The following TALDO1 variants were observed in gnomAD, a reference collection of about 807,000 sequenced individuals.
The protein encoded by TALDO1 is transaldolase.
In TALDO1, 29 loss-of-function variants were observed where a neutral mutation model predicts 38.1. That is an observed-to-expected ratio of 0.76 (90% CI 0.57 to 1.04). The LOEUF is 1.04. TALDO1 is among the 50% of genes least tolerant of loss of function. The pLI is 0.00. For synonymous variants in TALDO1, 207 were observed against 176.8 expected, an observed-to-expected ratio of 1.17 and a Z score of -1.36; for missense variants, 499 against 438.1, an observed-to-expected ratio of 1.14 and a Z score of -1.24.
Position 760,143 on chromosome 11 carries a change from G to A in TALDO1, c.351G>A (p.Ala117=), listed in dbSNP as rs139519848. 9 of 1,614,050 alleles carry A rather than the reference G, an allele frequency of 5.6e-6. No individual in the cohort carries two copies. Among genetic ancestry groups the A allele is most frequent in the East Asian group, 2.2e-5 (1 of 44,902 alleles). ...VDARLSFDKD[A]MVARARRLIE... ...ACAGGCTCTCCTTTGATAAAGATGC[G>A]ATGGTGGCCAGAGCCAGGCGGCTCA... Residue 117 remains alanine, a synonymous_variant, in exon 4 of 8, where the codon GCG becomes GCA. Transcript: ENST00000319006.
chr11:757,213 A>G (rs932657554), intron 2 of TALDO1, among the ~76,000 whole-genome samples: 1 of 150,498 alleles, frequency 6.6e-6, no homozygotes, highest in African/African-American at 2.5e-5. Flanking sequence ...TGCTCCTGTT[A>G]TTGGGTGACA....
chr11:763,220 C>CCCCGCCCTCACCCG (rs1862974781), intron 4 of TALDO1, 124 bp from the exon 5 acceptor site: 1 of 99,862 alleles, frequency 1.0e-5, no homozygotes, highest in African/African-American at 5.0e-5. Flanking sequence ...CCCTCACCTG[C>CCCCGCCCTCACCCG]CCCCGCCCTC....
chr11:763,299 T>TCCCCGCCCTCACCTGC lies in TALDO1; in HGVS notation c.462-41_462-26dup, dbSNP rs1564994166. ...CCTCACCCGCCCCCGCCCTCACCTGTCCCCGCCCTCACCTGCCCCGCCCTC... is the reference window on the plus strand; with the variant it reads ...CCTCACCCGCCCCCGCCCTCACCTGTCCCCGCCCTCACCTGCCCCCGCCCTCACCTGCCCCGCCCTC... On this transcript the variant is annotated intron_variant, in intron 4 of 7. Transcript: ENST00000319006. The TCCCCGCCCTCACCTGC allele has an allele frequency of 1.6e-5, 10 of 644,080 alleles. 1 individual carries two copies. In the African/African-American group the frequency reaches 4.4e-4, roughly 28 times the overall value. The allele number at this position is 644,080 out of a possible 1,614,324, so 39.9% of individuals were successfully genotyped here.
intron 6 of TALDO1, 34 bp from the exon 7 acceptor site, chr11:764,254 G>C (rs760031027): frequency 2.5e-6 from 4 of 1,613,848 alleles, no homozygotes; most frequent in African/African-American, 1.3e-5. Context: ...CAGGGACATG[G>C]AGCAGGCATG....
intron 3 of TALDO1, among the ~76,000 whole-genome samples, chr11:759,428 T>G (rs1862894863): frequency 6.6e-6 from 1 of 150,820 alleles, no homozygotes; most frequent in Non-Finnish European, 1.5e-5. Flanking sequence ...GCCCAGCTAA[T>G]TTGTTGTATT....
chr11:758,939 T>C lies in TALDO1; in HGVS notation c.222-11T>C. 1.2e-6 allele frequency: 2 copies of C among 1,606,802 alleles called. No homozygotes were observed. The highest frequency in any genetic ancestry group is 1.7e-6 in the Non-Finnish European group (2 of 1,175,092). On this transcript the variant is annotated splice_polypyrimidine_tract_variant and intron_variant, in intron 2 of 7. Coordinates refer to ENST00000319006, the MANE Select transcript of TALDO1 (RefSeq NM_006755.2). ...AGCTTCTAACCTGCTTTTTTTCCCT[T>C]TGAATTTCAGGTCACAAGAGGACCA...
At chr11:753,063 TTATTC>T (rs1862774070) in intron 1 of TALDO1, among the ~76,000 whole-genome samples, 1 of 152,120 alleles carries the variant, frequency 6.6e-6, no homozygotes, top group Admixed American at 6.6e-5. Flanking sequence ...TCTCTGTTGA[TTATTC>T]TGGTATGAGA....
chr11:764,632 G>GTGGGTCC (rs1863016811), intron 7 of TALDO1, among the ~76,000 whole-genome samples, 181 bp from the exon 8 acceptor site: 1 of 148,046 alleles, frequency 6.8e-6, no homozygotes, highest in Non-Finnish European at 1.5e-5. Context: ...AGGATGCTTG[G>GTGGGTCC]TGGGTCCTGG....
At chr11:763,541 TGGGGTAAG>T (rs1363944949) in intron 5 of TALDO1, 22 bp downstream of exon 5, 1 of 1,612,208 alleles carries the variant, frequency 6.2e-7, no homozygotes, top group Non-Finnish European at 8.5e-7. Flanking sequence ...TCTGTGGTAA[TGGGGTAAG>T]GGGAGCAGCC....
intron 1 of TALDO1, among the ~76,000 whole-genome samples, chr11:748,434 A>T (rs890242640): frequency 1.3e-5 from 2 of 152,110 alleles, no homozygotes; most frequent in African/African-American, 2.4e-5. Context: ...ATTATTTATT[A>T]ATACTTAGCT....
In TALDO1 at chr11:747,471, T is replaced by C. The variant is rs555793404; in HGVS notation, c.-11T>C. 6.3e-7 allele frequency: 1 copy of C among 1,576,432 alleles called. No individual in the cohort carries two copies. Among genetic ancestry groups the C allele is most frequent in the African/African-American group, 1.4e-5 (1 of 71,198 alleles). ...CGCCGCCGCCGCCGCCGCAGACCCCTCGGTCTTGCTATGTCGAGCTCACCC... is the reference window on the plus strand; with the variant it reads ...CGCCGCCGCCGCCGCCGCAGACCCCCCGGTCTTGCTATGTCGAGCTCACCC... On this transcript the variant is annotated 5_prime_UTR_variant, in exon 1 of 8. Coordinates refer to ENST00000319006, the MANE Select transcript of TALDO1 (RefSeq NM_006755.2).
At chr11:758,481 A>G (rs1862879064) in intron 2 of TALDO1, among the ~76,000 whole-genome samples, 1 of 152,130 alleles carries the variant, frequency 6.6e-6, no homozygotes, top group Admixed American at 6.6e-5. Context: ...ATTTTATGTT[A>G]TATGTATTAT....
chr11:747,663 G>A (rs942067910), intron 1 of TALDO1, 85 bp downstream of exon 1: 4 of 1,243,716 alleles, frequency 3.2e-6, no homozygotes, highest in Middle Eastern at 2.5e-4. Flanking sequence ...CCCGTTCCGG[G>A]ACGCGGACCG....
chr11:761,723 G>A (rs1435271470), intron 4 of TALDO1, among the ~76,000 whole-genome samples: 3 of 152,044 alleles, frequency 2.0e-5, no homozygotes, highest in East Asian at 1.9e-4. Context: ...TTTTCACCAC[G>A]GCTGGAGTGC....
In TALDO1 at chr11:764,703, C is replaced by T. The variant is rs767363112; in HGVS notation, c.982-110C>T. 3 of 1,559,464 alleles carry T rather than the reference C, an allele frequency of 1.9e-6. No homozygotes were observed. The South Asian group carries it at 3.3e-5, about 17-fold the overall frequency. Reference sequence around the variant, plus strand: ...CCACCCTGTGGCCGTGGCCCCCACACAGAGTGCAGACCCCACAAGGGCCTC... The same window carrying T: ...CCACCCTGTGGCCGTGGCCCCCACATAGAGTGCAGACCCCACAAGGGCCTC... On this transcript the variant is annotated intron_variant, in intron 7 of 7. Coordinates refer to ENST00000319006, the MANE Select transcript of TALDO1 (RefSeq NM_006755.2).
chr11:758,166 C>T (rs1212327361), intron 2 of TALDO1, among the ~76,000 whole-genome samples: 1 of 152,172 alleles, frequency 6.6e-6, no homozygotes, highest in Admixed American at 6.5e-5. Context: ...CGCCTGTAGT[C>T]CCAGCTACTC....
chr11:750,906 A>G (rs535119060), intron 1 of TALDO1, among the ~76,000 whole-genome samples: 23 of 152,114 alleles, frequency 1.5e-4, no homozygotes, highest in African/African-American at 5.3e-4. Flanking sequence ...ATAACTCTTC[A>G]CCTCCACTTT....
At chr11:763,650 T>C in intron 5 of TALDO1, 97 bp from the exon 6 acceptor site, 10 of 1,565,874 alleles carry the variant, frequency 6.4e-6, no homozygotes, top group Non-Finnish European at 8.8e-6. Context: ...CAGGCAGGGG[T>C]GGCGGCTCAA....
At chr11:761,181 A>C (rs1862918386) in intron 4 of TALDO1, among the ~76,000 whole-genome samples, 1 of 151,918 alleles carries the variant, frequency 6.6e-6, no homozygotes, top group Non-Finnish European at 1.5e-5. Context: ...CAAAACTACA[A>C]AAAATTTAGC....
Sources: allele counts gnomAD v4.1 joint callset (sites outside exome capture counted in the v4.1 genomes callset), GRCh38; gene constraint gnomAD v4.1.1; transcripts MANE v1.5; gene names NCBI Gene and HGNC (gene_info 2026-07-23, HGNC 2026-07-21).